STON2: variants seen among roughly 807,000 people sequenced by gnomAD.
The protein encoded by STON2 is stonin 2, also known as stonin-2.
STON2 carries 29 observed loss-of-function variants against 65.7 expected under a neutral mutation model. That is an observed-to-expected ratio of 0.44 (90% CI 0.33 to 0.60). The LOEUF (loss-of-function observed/expected upper bound fraction) is 0.60. Among genes scored for constraint, STON2 ranks in the 20% least tolerant of loss-of-function variants. The pLI, the probability that STON2 is intolerant of heterozygous loss-of-function variation, is 0.03. For synonymous variants in STON2, 404 were observed against 414.2 expected, an observed-to-expected ratio of 0.98 and a Z score of 0.30; for missense variants, 1,054 against 1,118.1, an observed-to-expected ratio of 0.94 and a Z score of 0.82.
intron 2 of STON2, among the ~76,000 whole-genome samples, chr14:81,420,324 T>A (rs1467342654): frequency 6.6e-6 from 1 of 152,206 alleles, no homozygotes. Context: ...GCGTAGAATA[T>A]AAAGAGATGA....
intron 3 of STON2, among the ~76,000 whole-genome samples, chr14:81,384,807 T>C (rs1899714452): frequency 6.6e-6 from 1 of 152,238 alleles, no homozygotes; most frequent in South Asian, 2.1e-4. Flanking sequence ...TATATTTTGA[T>C]GTCATGTCCT....
At chr14:81,356,847 T>C (rs1208655434) in intron 4 of STON2, among the ~76,000 whole-genome samples, 1 of 152,092 alleles carries the variant, frequency 6.6e-6, no homozygotes, top group East Asian at 1.9e-4. Context: ...ATGGGATCGG[T>C]AGTGATATCC....
At chr14:81,274,812 G>C (rs1894743689) in intron 6 of STON2, among the ~76,000 whole-genome samples, 1 of 152,060 alleles carries the variant, frequency 6.6e-6, no homozygotes, top group African/African-American at 2.4e-5. Context: ...GACTGATGCA[G>C]GAGAATCGCT....
At chr14:81,274,303 A>C (rs1894718378) in intron 6 of STON2, among the ~76,000 whole-genome samples, 1 of 152,212 alleles carries the variant, frequency 6.6e-6, no homozygotes, top group Non-Finnish European at 1.5e-5. Context: ...AGTAAGAAAC[A>C]TCAACAGATA....
In STON2 at chr14:81,396,055, G is replaced by C. The variant is rs762056486; in HGVS notation, c.212C>G (p.Ser71Cys). 6.2e-7 allele frequency: 1 copy of C among 1,614,046 alleles called. No homozygotes were observed. The highest frequency in any genetic ancestry group is 8.5e-7 in the Non-Finnish European group (1 of 1,180,032). Residue 71 changes from serine (S) to cysteine (C), a missense_variant, in exon 3 of 8, where the codon TCC (serine) becomes TGC (cysteine). Physicochemically the swap from Ser to Cys is moderately radical, Grantham distance 112. Transcript: ENST00000614646. ...QDHSHSEQDD[S>C]SEKMGLISEA... ...AGAGATGAGGCCCATCTTTTCAGAG[G>C]AGTCATCCTGCTCCGAGTGGGAATG...
At chr14:81,327,887 A>C (rs975115783) in intron 4 of STON2, among the ~76,000 whole-genome samples, 6 of 152,226 alleles carry the variant, frequency 3.9e-5, no homozygotes, top group African/African-American at 1.2e-4. Context: ...AGAGTGGTGA[A>C]GGACTGGTCC....
chr14:81,349,643 A>G (rs1178250194), intron 4 of STON2, among the ~76,000 whole-genome samples: 1 of 152,184 alleles, frequency 6.6e-6, no homozygotes, highest in Non-Finnish European at 1.5e-5. Context: ...GTAAATTAGT[A>G]CAGCCATTAT....
chr14:81,330,318 G>A (rs1406320592), intron 4 of STON2, among the ~76,000 whole-genome samples: 2 of 152,162 alleles, frequency 1.3e-5, no homozygotes, highest in Non-Finnish European at 2.9e-5. Context: ...AACAGTCATG[G>A]TGGCCACTCA....
chr14:81,367,265 G>A (rs572914858), intron 4 of STON2, among the ~76,000 whole-genome samples: 14 of 151,906 alleles, frequency 9.2e-5, no homozygotes, highest in Non-Finnish European at 2.9e-5. Flanking sequence ...TGCAGCCTCC[G>A]CCTCCTGGGT....
chr14:81,422,239 T>C (rs962041255), intron 2 of STON2, among the ~76,000 whole-genome samples: 1 of 151,820 alleles, frequency 6.6e-6, no homozygotes, highest in Non-Finnish European at 1.5e-5. Context: ...AGTGAGTGAG[T>C]TCTCACTCAG....
At chr14:81,420,264 C>A (rs971336314) in intron 2 of STON2, among the ~76,000 whole-genome samples, 3 of 152,104 alleles carry the variant, frequency 2.0e-5, no homozygotes, top group African/African-American at 4.8e-5. Context: ...ATGGCCAATA[C>A]GGAAAGTTAA....
At chr14:81,388,238 G>A (rs72703760) in intron 3 of STON2, among the ~76,000 whole-genome samples, 31,013 of 151,820 alleles carry the variant, frequency 0.2, 4,033 homozygotes, top group East Asian at 0.44. Context: ...GTGAGCCACC[G>A]CACCTGACCA....
At chr14:81,393,822 G>A (rs906571746) in intron 3 of STON2, among the ~76,000 whole-genome samples, 6 of 152,120 alleles carry the variant, frequency 3.9e-5, no homozygotes, top group Admixed American at 3.3e-4. Context: ...TGTTCAGTAA[G>A]GGAAGCCTGT....
Position 81,277,918 on chromosome 14 carries a change from G to T in STON2, c.1564C>A (p.Gln522Lys), listed in dbSNP as rs758479309. The change falls in exon 6 of 8, where the codon CAG becomes AAG. Residue 522 changes from glutamine to lysine, a missense_variant. By Grantham distance (53) the Gln-to-Lys change is moderately conservative. Coordinates refer to ENST00000614646, the MANE Select transcript of STON2 (RefSeq NM_001394390.1). Reference protein sequence around the residue: ...DTGYLQLYYEQGLEKPFREFK... With the variant: ...DTGYLQLYYEKGLEKPFREFK... ...TCACGGAATGGTTTTTCTAGGCCCT[G>T]CTCATAATACAGCTGCAGGTAACCA... 6.2e-7 allele frequency: 1 copy of T among 1,614,184 alleles called. No homozygotes were observed. The highest frequency in any genetic ancestry group is 1.1e-5 in the South Asian group (1 of 91,086).
chr14:81,266,117 T>C lies in STON2; in HGVS notation c.*2297A>G. ...GACAAATGAAGTTAGAGAGTCTTAT[T>C]ACTATTGAGACTAAACCTATATTTA... On this transcript the variant is annotated 3_prime_UTR_variant, in exon 8 of 8. Coordinates refer to ENST00000614646, the MANE Select transcript of STON2 (RefSeq NM_001394390.1). 3.0e-6 allele frequency: 3 copies of C among 983,614 alleles called. No homozygotes were observed. Among genetic ancestry groups the C allele is most frequent in the Non-Finnish European group, 3.6e-6 (3 of 828,234 alleles). 60.9% of individuals were successfully genotyped at this position (983,614 alleles called of 1,614,324 possible).
At chr14:81,394,269 A>C (rs919269002) in intron 3 of STON2, among the ~76,000 whole-genome samples, 2 of 152,188 alleles carry the variant, frequency 1.3e-5, no homozygotes, top group Non-Finnish European at 2.9e-5. Flanking sequence ...TAAAAATATA[A>C]ATGTTTGTTA....
upstream of STON2, among the ~76,000 whole-genome samples, chr14:81,400,771 T>A (rs1044329762): frequency 2.0e-5 from 3 of 152,144 alleles, no homozygotes; most frequent in South Asian, 6.2e-4. Flanking sequence ...AGGAGTTAGG[T>A]TGTTCGGATT....
chr14:81,341,076 A>G (rs1897590143), intron 4 of STON2, among the ~76,000 whole-genome samples: 1 of 152,202 alleles, frequency 6.6e-6, no homozygotes, highest in Non-Finnish European at 1.5e-5. Flanking sequence ...GGCTGTAATT[A>G]AGGATGAATA....
intron 5 of STON2, among the ~76,000 whole-genome samples, chr14:81,323,342 G>A (rs1297684287): frequency 1.3e-5 from 2 of 152,042 alleles, no homozygotes; most frequent in African/African-American, 2.4e-5. Context: ...TTTGCCTCCC[G>A]ACCATTCTCT....
Sources: allele counts gnomAD v4.1 joint callset (sites outside exome capture counted in the v4.1 genomes callset), GRCh38; gene constraint gnomAD v4.1.1; transcripts MANE v1.5; gene names NCBI Gene and HGNC (gene_info 2026-07-23, HGNC 2026-07-21).